The following CCL28 variants were observed in gnomAD, a reference collection of about 807,000 sequenced individuals.
CCL28 encodes the protein C-C motif chemokine 28.
CCL28 carries 4 observed loss-of-function variants against 7.1 expected under a neutral mutation model. The observed-to-expected ratio is 0.56, with a 90% CI of 0.28 to 1.29. The LOEUF (loss-of-function observed/expected upper bound fraction) is 1.29, where lower values mean the gene tolerates loss of function less well. Among genes scored for constraint, CCL28 ranks in the 50% most tolerant of loss-of-function variants. The pLI, the probability that CCL28 is intolerant of heterozygous loss-of-function variation, is 0.11. For missense variants in CCL28, 151 were observed against 163.4 expected, an observed-to-expected ratio of 0.92 and a Z score of 0.41; for synonymous variants, 55 against 57.8, an observed-to-expected ratio of 0.95 and a Z score of 0.22.
rs1280949003 is a variant in CCL28, at chr5:43,411,335, G to T, written c.64+918C>A. Among the ~76,000 whole-genome samples, 4 of 152,146 alleles carry T rather than the reference G, an allele frequency of 2.6e-5. No individual in the cohort carries two copies. In the East Asian group the frequency reaches 5.8e-4, roughly 22 times the overall value. ...CAAGTATTAAGTACTGACACTTAGGGTTTCCTGAATATAGTAGTGAGTGCT... is the reference window on the plus strand; with the variant it reads ...CAAGTATTAAGTACTGACACTTAGGTTTTCCTGAATATAGTAGTGAGTGCT... On this transcript the variant is annotated intron_variant, in intron 1 of 2. Coordinates refer to ENST00000361115, the MANE Select transcript of CCL28 (RefSeq NM_148672.3).
downstream of CCL28, chr5:43,379,079 C>T (rs1740001887): frequency 6.6e-6 from 1 of 152,114 alleles, no homozygotes. Flanking sequence ...ATCATGTAAA[C>T]CTACTGTCAT....
chr5:43,397,183 A>C (rs1401594889), intron 1 of CCL28: 1 of 152,266 alleles, frequency 6.6e-6, no homozygotes, highest in African/African-American at 2.4e-5. Flanking sequence ...GGATGCCCAG[A>C]CGCGCACGTC....
chr5:43,370,008 C>T, the CCL28 span, among the ~76,000 whole-genome samples: 5 of 152,062 alleles, frequency 3.3e-5, no homozygotes, highest in South Asian at 8.3e-4. Context: ...TCCTGTGATC[C>T]CAGCACCCTG....
chr5:43,363,060 A>G, the CCL28 span, among the ~76,000 whole-genome samples: 1 of 152,150 alleles, frequency 6.6e-6, no homozygotes, highest in Non-Finnish European at 1.5e-5. Flanking sequence ...GTTTACCTTT[A>G]TTTACAAGAA....
At chr5:43,357,699 G>A in the CCL28 span, among the ~76,000 whole-genome samples, 1 of 152,122 alleles carries the variant, frequency 6.6e-6, no homozygotes, top group African/African-American at 2.4e-5. Flanking sequence ...GAAAAAAAAG[G>A]GAAGGGGAGT....
chr5:43,401,362 TA>T, intron 1 of CCL28, among the ~76,000 whole-genome samples: 1 of 152,310 alleles, frequency 6.6e-6, no homozygotes, highest in Admixed American at 6.5e-5. Context: ...TTCTTTGCTT[TA>T]ACATGATACA....
At chr5:43,392,739 G>A (rs1244045530) in intron 1 of CCL28, among the ~76,000 whole-genome samples, 1 of 152,130 alleles carries the variant, frequency 6.6e-6, no homozygotes, top group Non-Finnish European at 1.5e-5. Flanking sequence ...CTACTGGTAA[G>A]TTATTAATCA....
At chr5:43,406,323 G>A (rs1367002120) in intron 1 of CCL28, among the ~76,000 whole-genome samples, 2 of 151,902 alleles carry the variant, frequency 1.3e-5, no homozygotes, top group African/African-American at 4.8e-5. Flanking sequence ...TTCATCCCTG[G>A]GATGCAAGGC....
chr5:43,379,580 G>C lies in CCL28; in HGVS notation c.*2280C>G, dbSNP rs1740022064. On this transcript the variant is annotated 3_prime_UTR_variant, in exon 3 of 3. Coordinates refer to ENST00000361115, the MANE Select transcript of CCL28 (RefSeq NM_148672.3). ...AATGAGGGATATTAGGCAAAGGCCAGTTTTGGTGGCATTTTAACCTATGGA... is the reference window on the plus strand; with the variant it reads ...AATGAGGGATATTAGGCAAAGGCCACTTTTGGTGGCATTTTAACCTATGGA... 1 of 152,192 alleles carries C rather than the reference G, an allele frequency of 6.6e-6. No individual in the cohort carries two copies. The highest frequency in any genetic ancestry group is 1.5e-5 in the Non-Finnish European group (1 of 68,050). The allele number at this position is 152,192 out of a possible 1,614,324, so 9.4% of individuals were successfully genotyped here.
At chr5:43,405,802 T>C (rs1469708365) in intron 1 of CCL28, among the ~76,000 whole-genome samples, 1 of 152,094 alleles carries the variant, frequency 6.6e-6, no homozygotes, top group Non-Finnish European at 1.5e-5. Context: ...CAATAAAAAA[T>C]GATAAGGAGA....
intron 2 of CCL28, among the ~76,000 whole-genome samples, chr5:43,383,384 T>A (rs1213706316): frequency 6.6e-6 from 1 of 152,124 alleles, no homozygotes; most frequent in Non-Finnish European, 1.5e-5. Flanking sequence ...GCTGCTATTT[T>A]TCTAGATGAC....
the CCL28 span, among the ~76,000 whole-genome samples, chr5:43,359,965 GC>G: frequency 6.6e-6 from 1 of 151,868 alleles, no homozygotes; most frequent in Non-Finnish European, 1.5e-5. Context: ...CTAGTCCCCT[GC>G]CCACCAAATT....
chr5:43,397,944 A>C (rs1740879646), intron 1 of CCL28, among the ~76,000 whole-genome samples: 1 of 150,368 alleles, frequency 6.7e-6, no homozygotes, highest in South Asian at 2.1e-4. Flanking sequence ...CTTTATTAAT[A>C]TTTTTCTACT....
chr5:43,381,995 C>T lies in CCL28; in HGVS notation c.249G>A (p.Gln83=). 6.2e-7 allele frequency: 1 copy of T among 1,614,202 alleles called. No individual in the cohort carries two copies. The highest frequency in any genetic ancestry group is 8.5e-7 in the Non-Finnish European group (1 of 1,180,040). ...TCTTGGCAGCTTGCACTTTCATCCA[C>T]TGCTTAACAGTATGGTTGTGCGGGC... is the stretch of plus-strand genomic sequence containing the variant. ...CVSPHNHTVK[Q]WMKVQAAKKN... Residue 83 remains glutamine (Q), a synonymous_variant, in exon 3 of 3, where the codon CAG becomes CAA. Coordinates refer to ENST00000361115, the MANE Select transcript of CCL28 (RefSeq NM_148672.3).
chr5:43,386,485 C>T (rs1181171049), intron 2 of CCL28, among the ~76,000 whole-genome samples: 2 of 152,198 alleles, frequency 1.3e-5, no homozygotes, highest in Admixed American at 1.3e-4. Flanking sequence ...TGAGAAAATT[C>T]TCAGGCTTCT....
chr5:43,381,418 C>T lies in CCL28; in HGVS notation c.*442G>A, dbSNP rs1438710743. Reference sequence around the variant, plus strand: ...TTTTAGAGACAGGGTCTCATTCTGTCACCCAGGCTGCTCACTGCAACCTCA... The same window carrying T: ...TTTTAGAGACAGGGTCTCATTCTGTTACCCAGGCTGCTCACTGCAACCTCA... On this transcript the variant is annotated 3_prime_UTR_variant, in exon 3 of 3. Coordinates refer to ENST00000361115, the MANE Select transcript of CCL28 (RefSeq NM_148672.3). The T allele has an allele frequency of 6.5e-6, 1 of 153,022 alleles. No homozygotes were observed. The highest frequency in any genetic ancestry group is 1.5e-5 in the Non-Finnish European group (1 of 68,716). The allele number at this position is 153,022 out of a possible 1,614,324, so 9.5% of individuals were successfully genotyped here. A position where few individuals can be genotyped will look rare whatever the true frequency, so the allele number is the denominator to read the frequency against.
rs922114943 is a variant in CCL28 at position 43,381,526 on chromosome 5, AT to A, written c.*333del. The stretch of plus-strand genomic sequence containing the variant: ...AGGCAAGTACTACCATGCCGGGCCA[AT>A]TTTTTTTTTGTTTGTAGAAATGAGG... On this transcript the variant is annotated 3_prime_UTR_variant, in exon 3 of 3. Coordinates refer to ENST00000361115, the MANE Select transcript of CCL28 (RefSeq NM_148672.3). The A allele has an allele frequency of 3.0e-3, 509 of 168,946 alleles. No individual in the cohort carries two copies. Among genetic ancestry groups the A allele is most frequent in the East Asian group, 5.7e-3 (35 of 6,186 alleles). 10.5% of individuals were successfully genotyped at this position (168,946 alleles called of 1,614,324 possible).
intron 2 of CCL28, 82 bp from the exon 3 acceptor site, chr5:43,382,134 C>A: frequency 1.7e-6 from 2 of 1,205,658 alleles, no homozygotes; most frequent in Non-Finnish European, 2.3e-6. Context: ...GCAGCTCCCA[C>A]TTTGGGACAC....
downstream of CCL28, among the ~76,000 whole-genome samples, chr5:43,377,717 C>CTCTTTTTT (rs1739937800): frequency 2.3e-5 from 1 of 42,708 alleles, no homozygotes; most frequent in African/African-American, 1.2e-4. Flanking sequence ...AGAACTTAAA[C>CTCTTTTTT]TTTTTTTTTT....
Sources: gnomAD v4.1 joint callset for allele counts (sites outside exome capture counted in the v4.1 genomes callset) on GRCh38, gnomAD v4.1.1 for gene constraint, MANE v1.5 for transcripts, NCBI Gene and HGNC (gene_info 2026-07-23, HGNC 2026-07-21) for gene names.